Variants in SHISA9 observed in about 807,000 individuals in gnomAD.
SHISA9 encodes the protein protein shisa-9.
SHISA9 carries 13 observed loss-of-function variants against 38.0 expected under a neutral mutation model. That is an observed-to-expected ratio of 0.34 (90% CI 0.22 to 0.54). The LOEUF (loss-of-function observed/expected upper bound fraction) is 0.54. SHISA9 is among the 20% of genes least tolerant of loss of function. The probability of loss-of-function intolerance (pLI) is 0.91; values close to 1 mark genes in which losing one functional copy is unlikely to be tolerated. For missense variants in SHISA9, 538 were observed against 575.8 expected, an observed-to-expected ratio of 0.93 and a Z score of 0.67; for synonymous variants, 275 against 242.0, an observed-to-expected ratio of 1.14 and a Z score of -1.27.
At chr16:13,241,647 G>C (rs1175088044), downstream of SHISA9, among the ~76,000 whole-genome samples, 2 of 152,202 alleles carry the variant, frequency 1.3e-5, no homozygotes, top group Non-Finnish European at 2.9e-5. Context: ...CAGAGATCTG[G>C]GGTCCCTGGG....
chr16:13,024,238 T>G (rs1026629105), intron 2 of SHISA9, among the ~76,000 whole-genome samples: 2 of 152,208 alleles, frequency 1.3e-5, no homozygotes. Flanking sequence ...AAGGAAGCAT[T>G]TGCATGGCCT....
At chr16:13,360,070 G>C in the SHISA9 span, among the ~76,000 whole-genome samples, 1 of 152,166 alleles carries the variant, frequency 6.6e-6, no homozygotes, top group African/African-American at 2.4e-5. Flanking sequence ...AAGGACATCC[G>C]GTTCTGGGGA....
the SHISA9 span, among the ~76,000 whole-genome samples, chr16:13,503,847 G>C: frequency 6.6e-6 from 1 of 152,106 alleles, no homozygotes; most frequent in Non-Finnish European, 1.5e-5. Flanking sequence ...ATTGCAGAGG[G>C]GCAAGAATGG....
chr16:13,138,786 T>G (rs2050372343), intron 2 of SHISA9, among the ~76,000 whole-genome samples: 1 of 152,256 alleles, frequency 6.6e-6, no homozygotes, highest in African/African-American at 2.4e-5. Flanking sequence ...GAGCATGTTA[T>G]GAGGATTCCT....
At chr16:13,306,101 G>A in the SHISA9 span, among the ~76,000 whole-genome samples, 1 of 152,260 alleles carries the variant, frequency 6.6e-6, no homozygotes, top group East Asian at 1.9e-4. Context: ...TTTGAAGTAG[G>A]AGTAGGAGTT....
intron 2 of SHISA9, among the ~76,000 whole-genome samples, chr16:13,021,409 A>T (rs763408120): frequency 8.5e-5 from 13 of 152,150 alleles, no homozygotes; most frequent in Non-Finnish European, 1.5e-4. Flanking sequence ...CTGAGAGTGC[A>T]TTTACCACAT....
chr16:13,562,369 C>A, the SHISA9 span, among the ~76,000 whole-genome samples: 1 of 152,116 alleles, frequency 6.6e-6, no homozygotes, highest in Non-Finnish European at 1.5e-5. Flanking sequence ...GTGGCTCATG[C>A]CTGTAATCCC....
the SHISA9 span, among the ~76,000 whole-genome samples, chr16:13,467,340 C>G: frequency 6.6e-6 from 1 of 152,214 alleles, no homozygotes; most frequent in Admixed American, 6.5e-5. Context: ...GAGCAGAACA[C>G]TTTTCTCCTC....
chr16:12,909,566 C>G (rs2071152204), intron 1 of SHISA9: 1 of 985,252 alleles, frequency 1.0e-6, no homozygotes, highest in African/African-American at 1.7e-5. Context: ...TTTGGATAAG[C>G]TAAGCTCATT....
intron 2 of SHISA9, among the ~76,000 whole-genome samples, chr16:13,164,544 A>G (rs1200820714): frequency 1.3e-5 from 2 of 152,070 alleles, no homozygotes; most frequent in East Asian, 3.9e-4. Context: ...AAGGTTTTGT[A>G]AAATTAATAT....
chr16:13,553,468 C>G, the SHISA9 span, among the ~76,000 whole-genome samples: 1 of 152,134 alleles, frequency 6.6e-6, no homozygotes, highest in Admixed American at 6.5e-5. Flanking sequence ...AGAACAGAGG[C>G]CCACCTAGCA....
chr16:13,403,467 G>C, the SHISA9 span, among the ~76,000 whole-genome samples: 1 of 152,240 alleles, frequency 6.6e-6, no homozygotes, highest in African/African-American at 2.4e-5. Context: ...AGGATCAGGA[G>C]TGAGGAGCTA....
chr16:13,242,642 C>T (rs1026865794), downstream of SHISA9, among the ~76,000 whole-genome samples: 13 of 152,152 alleles, frequency 8.5e-5, no homozygotes, highest in Admixed American at 3.9e-4. Context: ...CAATTTGCCA[C>T]GTGCCTTGAA....
At chr16:13,529,812 C>A in the SHISA9 span, among the ~76,000 whole-genome samples, 2 of 152,188 alleles carry the variant, frequency 1.3e-5, no homozygotes, top group African/African-American at 4.8e-5. Context: ...CAGGCAGTGC[C>A]GTTCCCTGGT....
chr16:13,517,383 T>C, the SHISA9 span, among the ~76,000 whole-genome samples: 3 of 152,330 alleles, frequency 2.0e-5, no homozygotes, highest in South Asian at 6.2e-4. Context: ...TGATTTCTGG[T>C]GGCCATCCTA....
the SHISA9 span, among the ~76,000 whole-genome samples, chr16:13,512,135 A>G: frequency 6.6e-6 from 1 of 152,328 alleles, no homozygotes; most frequent in East Asian, 1.9e-4. Flanking sequence ...AAGTAACCTA[A>G]TTGCATCTTA....
chr16:13,371,981 C>A, the SHISA9 span, among the ~76,000 whole-genome samples: 3 of 152,262 alleles, frequency 2.0e-5, no homozygotes, highest in Non-Finnish European at 4.4e-5. Flanking sequence ...TGCCTTTCTT[C>A]TTCTTTGTAA....
At chr16:13,273,312 A>G in the SHISA9 span, among the ~76,000 whole-genome samples, 4 of 152,154 alleles carry the variant, frequency 2.6e-5, no homozygotes, top group Non-Finnish European at 4.4e-5. Flanking sequence ...AACCCCTGAT[A>G]TGGTTTGGCT....
At chr16:13,409,466 C>T in the SHISA9 span, among the ~76,000 whole-genome samples, 2 of 152,242 alleles carry the variant, frequency 1.3e-5, no homozygotes, top group Non-Finnish European at 2.9e-5. Context: ...CACTTGCCCA[C>T]TTGGGCTCCT....
Sources: gnomAD v4.1 joint callset for allele counts (sites outside exome capture counted in the v4.1 genomes callset) on GRCh38, gnomAD v4.1.1 for gene constraint, MANE v1.5 for transcripts, NCBI Gene and HGNC (gene_info 2026-07-23, HGNC 2026-07-21) for gene names.